The following KCNU1 variants were observed in gnomAD, a reference collection of about 807,000 sequenced individuals.
KCNU1 encodes the protein potassium channel subfamily U member 1.
Under a neutral mutation model 126.8 loss-of-function variants are expected in KCNU1, and 93 were observed. The observed-to-expected ratio is 0.73, with a 90% CI of 0.62 to 0.87. KCNU1 has a LOEUF of 0.87. Ranked by LOEUF, KCNU1 falls within the 40% of genes least tolerant of loss-of-function variation. KCNU1 has a pLI of 0.00. For missense variants in KCNU1, 1,330 were observed against 1,367.1 expected, an observed-to-expected ratio of 0.97 and a Z score of 0.43; for synonymous variants, 523 against 494.2, an observed-to-expected ratio of 1.06 and a Z score of -0.77.
intron 18 of KCNU1, among the ~76,000 whole-genome samples, chr8:36,848,481 A>G (rs1440522008): frequency 3.3e-5 from 5 of 152,164 alleles, no homozygotes; most frequent in Admixed American, 6.6e-5. Flanking sequence ...AAAGGGGCCT[A>G]GTTTCATTCT....
chr8:36,929,956 T>C (rs1808650315), intron 24 of KCNU1, among the ~76,000 whole-genome samples: 1 of 151,960 alleles, frequency 6.6e-6, no homozygotes, highest in Non-Finnish European at 1.5e-5. Flanking sequence ...CCTATGATAA[T>C]CCAGATTTCA....
At chr8:36,934,292 C>T (rs1808789413) in intron 26 of KCNU1, among the ~76,000 whole-genome samples, 1 of 152,018 alleles carries the variant, frequency 6.6e-6, no homozygotes, top group Admixed American at 6.6e-5. Context: ...AAAAAGATGG[C>T]TGCACTAGAG....
intron 7 of KCNU1, among the ~76,000 whole-genome samples, chr8:36,813,848 A>G (rs1803810748): frequency 6.9e-6 from 1 of 144,022 alleles, no homozygotes; most frequent in East Asian, 2.1e-4. Context: ...AGAATATGTC[A>G]TAATTGCTCA....
intron 12 of KCNU1, among the ~76,000 whole-genome samples, chr8:36,836,079 T>C (rs1427784440): frequency 6.6e-6 from 1 of 152,178 alleles, no homozygotes; most frequent in Non-Finnish European, 1.5e-5. Flanking sequence ...CAAGAGATAA[T>C]CATTCCATAG....
At chr8:36,876,002 C>A (rs1325890327) in intron 19 of KCNU1, among the ~76,000 whole-genome samples, 1 of 152,062 alleles carries the variant, frequency 6.6e-6, no homozygotes, top group Non-Finnish European at 1.5e-5. Flanking sequence ...GCCTTGGAAA[C>A]CAGTTTTAAG....
At chr8:36,864,658 T>A (rs1213209234) in intron 19 of KCNU1, 137 bp downstream of exon 19, 1 of 624,156 alleles carries the variant, frequency 1.6e-6, no homozygotes, top group African/African-American at 1.8e-5. Flanking sequence ...CAAAATGAGA[T>A]CATCTCCACC....
intron 2 of KCNU1, among the ~76,000 whole-genome samples, chr8:36,795,045 C>T (rs1344418198): frequency 1.3e-5 from 2 of 152,220 alleles, no homozygotes; most frequent in Admixed American, 6.5e-5. Flanking sequence ...CCTAAATCCA[C>T]GTTTCCTCTT....
intron 2 of KCNU1, among the ~76,000 whole-genome samples, chr8:36,801,252 A>T (rs908080454): frequency 6.6e-6 from 1 of 152,136 alleles, no homozygotes; most frequent in African/African-American, 2.4e-5. Context: ...TCAGTTAAGG[A>T]GTTTTGAATT....
At chr8:36,909,289 A>C in intron 20 of KCNU1, 22 bp from the exon 21 acceptor site, 1 of 1,485,406 alleles carries the variant, frequency 6.7e-7, no homozygotes, top group Non-Finnish European at 9.4e-7. Flanking sequence ...AAATGACCAG[A>C]CTGTGGCATC....
At chr8:36,911,567 T>C (rs964668046) in intron 22 of KCNU1, among the ~76,000 whole-genome samples, 1 of 152,182 alleles carries the variant, frequency 6.6e-6, no homozygotes, top group Non-Finnish European at 1.5e-5. Context: ...CATGATTCTC[T>C]TTTACTTTTT....
chr8:36,866,511 T>C (rs975153111), intron 19 of KCNU1, among the ~76,000 whole-genome samples: 3 of 152,100 alleles, frequency 2.0e-5, no homozygotes, highest in African/African-American at 7.2e-5. Flanking sequence ...CACTGAGAAG[T>C]AGTTGAAGGA....
intron 10 of KCNU1, among the ~76,000 whole-genome samples, chr8:36,818,684 G>A (rs563026177): frequency 6.6e-6 from 1 of 152,286 alleles, no homozygotes; most frequent in South Asian, 2.1e-4. Flanking sequence ...ATTTTGAAAT[G>A]ACATTTTGAT....
At chr8:36,909,829 C>T (rs1807795171) in intron 21 of KCNU1, among the ~76,000 whole-genome samples, 1 of 152,072 alleles carries the variant, frequency 6.6e-6, no homozygotes, top group South Asian at 2.1e-4. Flanking sequence ...AGTTAATGCT[C>T]GAATCACCAT....
At position 36,935,909 on chromosome 8, in the gene KCNU1, G is replaced by A; in HGVS notation, c.3439G>A (p.Glu1147Lys). ...TGATGAGGATCCCTTTGCATATTCA[G>A]AGCCACTATAGACCTGCCCATATTC... ...VYDEDPFAYS[E>K]PL The change falls in exon 27 of 27, where the codon GAG becomes AAG. Residue 1147 changes from glutamate (E) to lysine (K), a missense_variant. Glu to Lys is a moderately conservative substitution (Grantham distance 56). Transcript: ENST00000399881. The A allele has an allele frequency of 6.3e-7, 1 of 1,593,002 alleles. No homozygotes were observed. Among genetic ancestry groups the A allele is most frequent in the South Asian group, 1.2e-5 (1 of 86,856 alleles).
At chr8:36,784,734 G>A in intron 1 of KCNU1, 129 bp downstream of exon 1, 1 of 727,508 alleles carries the variant, frequency 1.4e-6, no homozygotes, top group South Asian at 1.9e-5. Flanking sequence ...ATAGCCTGGT[G>A]CCTCAGAAAG....
chr8:36,787,231 C>T (rs1301835985), intron 1 of KCNU1, 75 bp from the exon 2 acceptor site: 6 of 1,335,286 alleles, frequency 4.5e-6, no homozygotes, highest in East Asian at 5.6e-5. Context: ...ACAAGAGGCT[C>T]CATCAACGTA....
intron 19 of KCNU1, chr8:36,888,851 T>A (rs1806831586): frequency 2.1e-6 from 1 of 467,830 alleles, no homozygotes; most frequent in Admixed American, 2.6e-5. Context: ...ATCAAGCACA[T>A]CTTTGCTAAT....
chr8:36,911,154 ACGTATGG>A lies in KCNU1; in HGVS notation c.2521+36_2521+42del, dbSNP rs1447460267. On this transcript the variant is annotated intron_variant, in intron 22 of 26. Transcript: ENST00000399881. The stretch of plus-strand genomic sequence containing the variant: ...GCACCCCTGAAAAGAAGAAACTAGG[ACGTATGG>A]AAAAAAAGAGATAATTAACTCCTCT... 2.7e-6 allele frequency: 4 copies of A among 1,509,058 alleles called. No homozygotes were observed. The Admixed American group carries it at 7.7e-5, about 29-fold the overall frequency. The allele number at this position is 1,509,058 out of a possible 1,614,324, so 93.5% of individuals were successfully genotyped here.
chr8:36,922,159 G>A (rs1471104579), intron 23 of KCNU1, among the ~76,000 whole-genome samples: 10 of 152,302 alleles, frequency 6.6e-5, no homozygotes, highest in Non-Finnish European at 1.3e-4. Flanking sequence ...TTTCGAGCAT[G>A]CTCCCTTTTG....
Sources: gnomAD v4.1 joint callset for allele counts (sites outside exome capture counted in the v4.1 genomes callset) on GRCh38, gnomAD v4.1.1 for gene constraint, MANE v1.5 for transcripts, NCBI Gene and HGNC (gene_info 2026-07-23, HGNC 2026-07-21) for gene names.